The following PHLDB2 variants were observed in gnomAD, a reference collection of about 807,000 sequenced individuals.
PHLDB2 encodes the protein pleckstrin homology-like domain family B member 2.
Under a neutral mutation model 123.6 loss-of-function variants are expected in PHLDB2, and 71 were observed. That is an observed-to-expected ratio of 0.57 (90% CI 0.47 to 0.70). The LOEUF is 0.70. Ranked by LOEUF, PHLDB2 falls within the 30% of genes least tolerant of loss-of-function variation. The probability of loss-of-function intolerance (pLI) is 0.00; values close to 1 mark genes in which losing one functional copy is unlikely to be tolerated. For missense variants in PHLDB2, 1,446 were observed against 1,519.5 expected (o/e 0.95, Z 0.80); for synonymous variants, 547 against 541.6 (o/e 1.01, Z -0.14).
chr3:111,884,023 ATCT>A (rs1205845919), intron 1 of PHLDB2, 38 bp from the exon 2 acceptor site: 3 of 1,552,070 alleles, frequency 1.9e-6, no homozygotes, highest in Non-Finnish European at 8.7e-7. Flanking sequence ...TTCTTTTAAA[ATCT>A]TCTTTAAGGC....
chr3:111,845,955 A>T, intron 2 of PHLDB2: 1 of 1,608,042 alleles, frequency 6.2e-7, no homozygotes, highest in South Asian at 1.1e-5. Context: ...TTATTGTCAG[A>T]GGTTTTCAGT....
chr3:111,848,084 A>C (rs1376198787), intron 2 of PHLDB2, among the ~76,000 whole-genome samples: 2 of 152,004 alleles, frequency 1.3e-5, no homozygotes, highest in South Asian at 4.2e-4. Context: ...GCAGTATGCG[A>C]CCCTCACCTT....
intron 1 of PHLDB2, among the ~76,000 whole-genome samples, chr3:111,870,630 A>AC (rs945154994): frequency 2.7e-5 from 4 of 150,018 alleles, no homozygotes; most frequent in African/African-American, 9.8e-5. Context: ...GTTGAACTAG[A>AC]TTTTTTTTTT....
chr3:111,830,758 G>A (rs1405768632), intron 1 of PHLDB2, among the ~76,000 whole-genome samples: 1 of 117,522 alleles, frequency 8.5e-6, no homozygotes, highest in South Asian at 3.0e-4. Flanking sequence ...GCAGTGAGCC[G>A]AGATCCCGCC....
chr3:111,855,629 C>CTTT (rs11368889), upstream of PHLDB2, among the ~76,000 whole-genome samples: 5,937 of 79,444 alleles, frequency 0.075, 579 homozygotes, highest in Middle Eastern at 0.1. Context: ...CTGCATTTGT[C>CTTT]TTTTTTTTTT....
intron 1 of PHLDB2, among the ~76,000 whole-genome samples, chr3:111,737,494 G>A (rs1241457150): frequency 6.6e-6 from 1 of 152,070 alleles, no homozygotes; most frequent in Non-Finnish European, 1.5e-5. Context: ...CAGTTCCAAG[G>A]TCAAGTTTCC....
rs2068017843 is a variant in PHLDB2, at chr3:111,913,872, T to A, written c.1719+170T>A. 3.5e-6 allele frequency: 3 copies of A among 864,814 alleles called. No individual in the cohort carries two copies. In the Admixed American group the frequency reaches 8.7e-5, roughly 25 times the overall value. 53.6% of individuals were successfully genotyped at this position (864,814 alleles called of 1,614,324 possible). ...GTGCAGCAAATTAGGGTGTTTACTG[T>A]AAAGTAACAAATTTGCACTGTAAAA... On this transcript the variant is annotated intron_variant, in intron 3 of 17. Transcript: ENST00000431670.
At chr3:111,876,008 A>G (rs1298158947) in intron 1 of PHLDB2, among the ~76,000 whole-genome samples, 2 of 152,114 alleles carry the variant, frequency 1.3e-5, no homozygotes, top group African/African-American at 2.4e-5. Context: ...TAAAACTGCC[A>G]TCCAAATAAA....
At chr3:111,966,177 A>G (rs976200999) in intron 13 of PHLDB2, among the ~76,000 whole-genome samples, 10 of 152,328 alleles carry the variant, frequency 6.6e-5, no homozygotes, top group African/African-American at 2.2e-4. Context: ...TGTCATTTAT[A>G]TAGAACGTTG....
intron 1 of PHLDB2, among the ~76,000 whole-genome samples, chr3:111,867,570 C>A (rs573749715): frequency 1.1e-4 from 16 of 151,930 alleles, no homozygotes; most frequent in African/African-American, 3.9e-4. Context: ...ATATTTCATT[C>A]GTAAATAATT....
At chr3:111,931,964 A>G (rs1231241644) in intron 5 of PHLDB2, among the ~76,000 whole-genome samples, 1 of 152,170 alleles carries the variant, frequency 6.6e-6, no homozygotes, top group African/African-American at 2.4e-5. Context: ...GCCAATGACC[A>G]ACACTCAACA....
At chr3:111,972,271 T>C (rs1175148953) in intron 16 of PHLDB2, among the ~76,000 whole-genome samples, 1 of 152,058 alleles carries the variant, frequency 6.6e-6, no homozygotes, top group African/African-American at 2.4e-5. Context: ...TAACTGAACA[T>C]GGTATCAGTT....
intron 1 of PHLDB2, among the ~76,000 whole-genome samples, chr3:111,807,311 C>T (rs540316629): frequency 6.6e-6 from 1 of 152,234 alleles, no homozygotes; most frequent in South Asian, 2.1e-4. Flanking sequence ...ACTAGAAAAT[C>T]ACTTAAAGTA....
At chr3:111,931,724 C>G (rs547623062) in intron 5 of PHLDB2, among the ~76,000 whole-genome samples, 1 of 152,276 alleles carries the variant, frequency 6.6e-6, no homozygotes, top group Admixed American at 6.5e-5. Flanking sequence ...TGAAGTTTTC[C>G]AGATAGCTAG....
At chr3:111,823,073 T>A (rs1369228720) in intron 1 of PHLDB2, among the ~76,000 whole-genome samples, 3 of 152,226 alleles carry the variant, frequency 2.0e-5, no homozygotes, top group African/African-American at 4.8e-5. Flanking sequence ...CAGCACATAG[T>A]ACCACCAAGG....
chr3:111,921,454 A>T (rs1055217008), intron 5 of PHLDB2, among the ~76,000 whole-genome samples: 25 of 152,282 alleles, frequency 1.6e-4, no homozygotes, highest in African/African-American at 5.3e-4. Flanking sequence ...AGGGCATTTG[A>T]TCTTGGTGCC....
At chr3:111,929,667 T>C (rs889095634) in intron 5 of PHLDB2, among the ~76,000 whole-genome samples, 1 of 152,126 alleles carries the variant, frequency 6.6e-6, no homozygotes, top group African/African-American at 2.4e-5. Flanking sequence ...TCCTCTGTGA[T>C]TTATAGCCAG....
intron 1 of PHLDB2, chr3:111,778,141 G>T (rs1385930427): frequency 3.3e-5 from 5 of 152,020 alleles, no homozygotes; most frequent in Admixed American, 2.6e-4. Flanking sequence ...AAATTCATGT[G>T]TAGAGTCATA....
At position 111,919,132 on chromosome 3, in the gene PHLDB2, C is replaced by T. The variant is rs768953684; in HGVS notation, c.1780C>T (p.Arg594Trp). ...SQELAAMEET[R>W]IVILNNLEEL... Reference sequence around the variant, plus strand: ...GGAGTTGGCTGCAATGGAAGAAACCCGGATAGTCATTCTGAACAACCTCGA... The same window carrying T: ...GGAGTTGGCTGCAATGGAAGAAACCTGGATAGTCATTCTGAACAACCTCGA... Residue 594 changes from arginine (R) to tryptophan (W), a missense_variant, in exon 4 of 18, where the codon CGG becomes TGG. Arg to Trp is a moderately radical substitution (Grantham distance 101). This residue lies in a region of PHLDB2 where 832 missense variants were observed against 831.9 expected (regional missense o/e 1.00). Coordinates refer to ENST00000431670, the MANE Select transcript of PHLDB2 (RefSeq NM_001134438.2). 28 of 1,613,744 alleles carry T rather than the reference C, an allele frequency of 1.7e-5. No homozygotes were observed. Among genetic ancestry groups the T allele is most frequent in the Middle Eastern group, 1.6e-4 (1 of 6,084 alleles).
Sources: allele counts gnomAD v4.1 joint callset (sites outside exome capture counted in the v4.1 genomes callset), GRCh38; gene constraint gnomAD v4.1.1; regional missense constraint gnomAD v4.1.1; transcripts MANE v1.5; gene names NCBI Gene and HGNC (gene_info 2026-07-23, HGNC 2026-07-21).